Variants in CSMD1 observed in about 807,000 individuals in gnomAD.
The protein encoded by CSMD1 is CUB and Sushi multiple domains 1.
CSMD1 carries 213 observed loss-of-function variants against 417.5 expected under a neutral mutation model. The ratio of observed to expected loss-of-function variants is 0.51; its 90% CI spans 0.46 to 0.57. The LOEUF is 0.57. Among genes scored for constraint, CSMD1 ranks in the 20% least tolerant of loss-of-function variants. The probability of loss-of-function intolerance (pLI) is 0.00; values close to 1 mark genes in which losing one functional copy is unlikely to be tolerated. For missense variants in CSMD1, 6,923 were observed against 4,529.7 expected, an observed-to-expected ratio of 1.53 and a Z score of -15.17; for synonymous variants, 2,862 against 1,736.8, an observed-to-expected ratio of 1.65 and a Z score of -16.11.
At chr8:3,888,093 T>G (rs1362879905) in intron 5 of CSMD1, among the ~76,000 whole-genome samples, 1 of 152,178 alleles carries the variant, frequency 6.6e-6, no homozygotes, top group East Asian at 1.9e-4. Flanking sequence ...TATCATTAAT[T>G]AAAAACCAAC....
intron 50 of CSMD1, among the ~76,000 whole-genome samples, chr8:3,039,321 C>CCTCCCTCCCTCCCCTCCTTT (rs796592025): frequency 7.1e-6 from 1 of 141,656 alleles, no homozygotes; most frequent in African/African-American, 3.1e-5. Context: ...TCCCTTCCTT[C>CCTCCCTCCCTCCCCTCCTTT]TTTTCCTTTC....
chr8:4,004,452 A>T (rs1476582889), intron 4 of CSMD1, among the ~76,000 whole-genome samples: 1 of 150,904 alleles, frequency 6.6e-6, no homozygotes, highest in African/African-American at 2.4e-5. Context: ...AGGCTATTTT[A>T]TAGTAAAATA....
intron 10 of CSMD1, among the ~76,000 whole-genome samples, chr8:3,526,774 C>G (rs1163415824): frequency 6.6e-6 from 1 of 152,198 alleles, no homozygotes; most frequent in East Asian, 1.9e-4. Flanking sequence ...CTGTAAAACA[C>G]ACTTCCTAGT....
chr8:3,067,173 C>G (rs1812991603), intron 49 of CSMD1, among the ~76,000 whole-genome samples: 1 of 152,122 alleles, frequency 6.6e-6, no homozygotes, highest in African/African-American at 2.4e-5. Flanking sequence ...TGTCAGCCAA[C>G]AAGGTGCGTG....
intron 1 of CSMD1, among the ~76,000 whole-genome samples, chr8:4,685,921 C>T (rs1019084270): frequency 9.2e-5 from 14 of 152,160 alleles, no homozygotes; most frequent in African/African-American, 3.1e-4. Flanking sequence ...TATGAAGAAA[C>T]TTACTGGATC....
chr8:3,296,365 A>G (rs1803965251), intron 25 of CSMD1, among the ~76,000 whole-genome samples: 1 of 151,924 alleles, frequency 6.6e-6, no homozygotes. Context: ...AGGAAGGGGG[A>G]CTGGGAAGGA....
intron 7 of CSMD1, among the ~76,000 whole-genome samples, chr8:3,619,296 C>A (rs900228): frequency 2.0e-5 from 3 of 151,628 alleles, no homozygotes; most frequent in African/African-American, 7.3e-5. Context: ...TTGATCTCAA[C>A]GTTCAGAGGC....
chr8:2,942,628 A>T (rs560246209), intron 68 of CSMD1, 24 bp from the exon 69 acceptor site: 6 of 1,532,560 alleles, frequency 3.9e-6, no homozygotes, highest in African/African-American at 2.8e-5. Flanking sequence ...GAAATATTAA[A>T]TTTGTTGTTA....
intron 26 of CSMD1, among the ~76,000 whole-genome samples, chr8:3,246,504 C>G (rs1315320632): frequency 6.6e-6 from 1 of 152,108 alleles, no homozygotes; most frequent in Non-Finnish European, 1.5e-5. Flanking sequence ...CAGAGTCTCA[C>G]TCTGTCACCC....
At chr8:4,970,159 T>C (rs1365052519) in intron 1 of CSMD1, among the ~76,000 whole-genome samples, 1 of 152,144 alleles carries the variant, frequency 6.6e-6, no homozygotes, top group Non-Finnish European at 1.5e-5. Flanking sequence ...TACTTTATTA[T>C]TGGAGGTACA....
chr8:4,099,298 T>C (rs1168155011), intron 3 of CSMD1, among the ~76,000 whole-genome samples: 1 of 152,108 alleles, frequency 6.6e-6, no homozygotes, highest in Non-Finnish European at 1.5e-5. Flanking sequence ...TTATTATCTC[T>C]ACTGAATTAC....
chr8:3,273,844 G>A (rs1802064797), intron 26 of CSMD1, among the ~76,000 whole-genome samples: 1 of 151,942 alleles, frequency 6.6e-6, no homozygotes, highest in South Asian at 2.1e-4. Flanking sequence ...CTTGCTAGTG[G>A]TCTACCAATT....
At chr8:3,085,891 T>A (rs1186606845) in intron 49 of CSMD1, among the ~76,000 whole-genome samples, 1 of 152,218 alleles carries the variant, frequency 6.6e-6, no homozygotes, top group African/African-American at 2.4e-5. Context: ...CCCTTTGTGC[T>A]TAGGCCTGGA....
intron 53 of CSMD1, 93 bp from the exon 54 acceptor site, chr8:2,998,277 C>T (rs1046939222): frequency 3.1e-5 from 40 of 1,303,922 alleles, no homozygotes; most frequent in South Asian, 4.0e-5. Context: ...GGCATGCTAA[C>T]GGTATGGACT....
chr8:4,074,077 C>G (rs532154672), intron 3 of CSMD1, among the ~76,000 whole-genome samples: 7 of 152,080 alleles, frequency 4.6e-5, no homozygotes, highest in East Asian at 1.9e-4. Flanking sequence ...ATGGAATAGA[C>G]AAATTTTGTA....
At chr8:2,957,948 T>C (rs1803135944) in intron 62 of CSMD1, 141 bp from the exon 63 acceptor site, 1 of 626,616 alleles carries the variant, frequency 1.6e-6, no homozygotes, top group South Asian at 1.9e-5. Context: ...TAAGTCAACA[T>C]GTACATTTTA....
intron 33 of CSMD1, among the ~76,000 whole-genome samples, chr8:3,197,963 G>C (rs1003515040): frequency 2.0e-5 from 3 of 152,136 alleles, no homozygotes; most frequent in Admixed American, 6.5e-5. Flanking sequence ...TAGGAGCAAA[G>C]CAAGAGAAGG....
intron 1 of CSMD1, among the ~76,000 whole-genome samples, chr8:4,638,969 T>C (rs558000136): frequency 3.3e-5 from 5 of 152,302 alleles, no homozygotes; most frequent in East Asian, 3.9e-4. Context: ...GAGTAAATTG[T>C]AGGCCCCAGG....
At chr8:3,977,208 C>T (rs1014957417) in intron 5 of CSMD1, among the ~76,000 whole-genome samples, 9 of 152,102 alleles carry the variant, frequency 5.9e-5, no homozygotes, top group African/African-American at 2.2e-4. Context: ...AATCAGTGAA[C>T]ACGTGCTCTA....
Sources: gnomAD v4.1 joint callset for allele counts (sites outside exome capture counted in the v4.1 genomes callset) on GRCh38, gnomAD v4.1.1 for gene constraint, MANE v1.5 for transcripts, NCBI Gene and HGNC (gene_info 2026-07-23, HGNC 2026-07-21) for gene names.